LPP: variants seen among roughly 807,000 people sequenced by gnomAD.
The protein encoded by LPP is lipoma-preferred partner.
Under a neutral mutation model 60.4 loss-of-function variants are expected in LPP, and 38 were observed. The observed-to-expected ratio is 0.63, with a 90% CI of 0.49 to 0.83. The LOEUF (loss-of-function observed/expected upper bound fraction) is 0.83. LPP is among the 40% of genes least tolerant of loss of function. The pLI, the probability that LPP is intolerant of heterozygous loss-of-function variation, is 0.00. For synonymous variants in LPP, 328 were observed against 290.8 expected (o/e 1.13, Z -1.30); for missense variants, 902 against 783.6 (o/e 1.15, Z -1.80).
At chr3:188,522,535 T>C (rs1403793411) in intron 5 of LPP, among the ~76,000 whole-genome samples, 1 of 152,048 alleles carries the variant, frequency 6.6e-6, no homozygotes. Flanking sequence ...TACTGAACAC[T>C]TATTTGGGCT....
chr3:188,199,752 C>T (rs1730532443), intron 1 of LPP, among the ~76,000 whole-genome samples: 1 of 151,400 alleles, frequency 6.6e-6, no homozygotes, highest in Admixed American at 6.6e-5. Flanking sequence ...TTCCTGTTGC[C>T]TACCTAGGCT....
rs1363604400 is a variant in LPP at position 188,875,726 on chromosome 3, T to C, written c.*1247T>C. 7 of 201,776 alleles carry C rather than the reference T, an allele frequency of 3.5e-5. No individual in the cohort carries two copies. The highest frequency in any genetic ancestry group is 1.7e-3 in the Middle Eastern group (1 of 600). 12.5% of individuals were successfully genotyped at this position (201,776 alleles called of 1,614,324 possible). A position where few individuals can be genotyped will look rare whatever the true frequency, so the allele number is the denominator to read the frequency against. The stretch of plus-strand genomic sequence containing the variant: ...ATCACTGAAACAAAAATTGTCTTTA[T>C]GAGCTAAAAATATGCAGAATCTCTG... On this transcript the variant is annotated 3_prime_UTR_variant, in exon 12 of 12. Coordinates refer to ENST00000617246, the MANE Select transcript of LPP (RefSeq NM_001375462.1).
rs779836330 is a variant in LPP at position 188,609,370 on chromosome 3, C to T, written c.639C>T (p.Ala213=). 3 of 1,614,132 alleles carry T rather than the reference C, an allele frequency of 1.9e-6. No individual in the cohort carries two copies. The highest frequency in any genetic ancestry group is 1.7e-6 in the Non-Finnish European group (2 of 1,180,030). ...CAGTCCCAGCCTCCTACACCACGGC[C>T]TCCACTTCTTCAAGGCCTACCTTTA... The part of the protein sequence containing the change: ...PQPVPASYTT[A]STSSRPTFNV... The change falls in exon 7 of 12, where the codon GCC becomes GCT. Residue 213 remains alanine (A), a synonymous_variant. Coordinates refer to ENST00000617246, the MANE Select transcript of LPP (RefSeq NM_001375462.1). This position sits in a 1 kb window ranked among gnomAD's most constrained non-coding sequence, Gnocchi z 6.9.
intron 9 of LPP, among the ~76,000 whole-genome samples, 153 bp downstream of exon 9, chr3:188,760,435 T>TGTGTGTGTGCGCGC (rs777127864): frequency 7.5e-4 from 114 of 151,194 alleles, no homozygotes; most frequent in African/African-American, 2.6e-3. Flanking sequence ...TGTGTGTGTG[T>TGTGTGTGTGCGCGC]GCGTGCGCGC....
rs1843586919 is a variant in LPP, at chr3:188,610,962, AT to A, written c.1113+1123del. ...TGGATTGGGTAGAAGTTTGGACTGTATTTTTAAAAATTCTTTCCACATTTTT... is the reference window on the plus strand; with the variant it reads ...TGGATTGGGTAGAAGTTTGGACTGTATTTTAAAAATTCTTTCCACATTTTT... On this transcript the variant is annotated intron_variant, in intron 7 of 11. Coordinates refer to ENST00000617246, the MANE Select transcript of LPP (RefSeq NM_001375462.1). The surrounding 1 kb of genome is among the most constrained non-coding windows in gnomAD (Gnocchi z 4.4). Among the ~76,000 whole-genome samples, 1 of 152,208 alleles carries A rather than the reference AT, an allele frequency of 6.6e-6. No individual in the cohort carries two copies. The highest frequency in any genetic ancestry group is 2.1e-4 in the South Asian group (1 of 4,834).
At chr3:188,295,194 A>G (rs1010072780) in intron 2 of LPP, among the ~76,000 whole-genome samples, 3 of 152,238 alleles carry the variant, frequency 2.0e-5, no homozygotes, top group African/African-American at 4.8e-5. Context: ...ATGAACTCCA[A>G]TTAAACTTTA....
chr3:188,581,618 G>T (rs1460935238), intron 6 of LPP, among the ~76,000 whole-genome samples: 1 of 152,028 alleles, frequency 6.6e-6, no homozygotes, highest in African/African-American at 2.4e-5. Context: ...TAGTCCTGTT[G>T]GGAGGCTCAG....
chr3:188,816,284 C>G (rs766467818), intron 9 of LPP, among the ~76,000 whole-genome samples: 11 of 148,232 alleles, frequency 7.4e-5, no homozygotes, highest in South Asian at 2.1e-4. Context: ...TCACTCCAAG[C>G]TCCACCTCCC....
At chr3:188,835,950 G>A (rs1450018377) in intron 9 of LPP, among the ~76,000 whole-genome samples, 1 of 152,176 alleles carries the variant, frequency 6.6e-6, no homozygotes, top group Non-Finnish European at 1.5e-5. Flanking sequence ...GTACTTCTTT[G>A]TATTTTTGAT....
intron 1 of LPP, among the ~76,000 whole-genome samples, chr3:188,163,986 A>G (rs561716996): frequency 6.6e-6 from 1 of 151,910 alleles, no homozygotes; most frequent in Non-Finnish European, 1.5e-5. Context: ...AATAAACTAC[A>G]TTTATAGAAG....
intron 7 of LPP, among the ~76,000 whole-genome samples, chr3:188,629,581 A>G (rs1361271672): frequency 6.6e-6 from 1 of 152,170 alleles, no homozygotes; most frequent in African/African-American, 2.4e-5. Flanking sequence ...TGAAACAAAT[A>G]TATGGAAAAT....
intron 7 of LPP, among the ~76,000 whole-genome samples, chr3:188,683,206 A>C (rs547265834): frequency 3.3e-5 from 5 of 152,110 alleles, no homozygotes; most frequent in South Asian, 4.2e-4. Context: ...TAGACCAAGC[A>C]TAATGAGGTA....
chr3:188,856,832 T>A (rs1036958923), intron 9 of LPP, among the ~76,000 whole-genome samples: 1 of 152,214 alleles, frequency 6.6e-6, no homozygotes, highest in Non-Finnish European at 1.5e-5. Context: ...TGGATAGGAT[T>A]ATCTGCTCTG....
intron 4 of LPP, among the ~76,000 whole-genome samples, chr3:188,453,058 C>T (rs1045614385): frequency 4.6e-5 from 7 of 152,118 alleles, no homozygotes; most frequent in South Asian, 4.1e-4. Flanking sequence ...CAACCTCTCT[C>T]GGGTTCTTTG....
chr3:188,704,441 C>T (rs1335287632), intron 7 of LPP, among the ~76,000 whole-genome samples: 2 of 152,182 alleles, frequency 1.3e-5, no homozygotes, highest in Non-Finnish European at 2.9e-5. Flanking sequence ...GACAAGCTCA[C>T]CTAAGGATGC....
intron 1 of LPP, among the ~76,000 whole-genome samples, chr3:188,222,218 T>G: frequency 6.6e-6 from 1 of 152,334 alleles, no homozygotes. Context: ...TTATGAATTT[T>G]TTTTCAAATG....
At chr3:188,422,215 T>C (rs1364402753) in intron 4 of LPP, among the ~76,000 whole-genome samples, 1 of 152,176 alleles carries the variant, frequency 6.6e-6, no homozygotes, top group Admixed American at 6.6e-5. Context: ...CAATGTTCCC[T>C]TTTGTTGTAG....
chr3:188,726,235 A>C (rs2149963512), intron 8 of LPP, among the ~76,000 whole-genome samples: 2 of 152,266 alleles, frequency 1.3e-5, no homozygotes, highest in Non-Finnish European at 2.9e-5. Context: ...TAAGGGCTGG[A>C]ACCAAGATAG....
At chr3:188,273,299 T>C (rs62291416) in intron 2 of LPP, among the ~76,000 whole-genome samples, 13,895 of 152,200 alleles carry the variant, frequency 0.091, 1,078 homozygotes, top group African/African-American at 0.21. Context: ...GGCACCACGA[T>C]GGAAAACAGA....
Sources: allele counts gnomAD v4.1 joint callset (sites outside exome capture counted in the v4.1 genomes callset), GRCh38; gene constraint gnomAD v4.1.1; non-coding constraint Gnocchi (gnomAD v3.1); transcripts MANE v1.5; gene names NCBI Gene and HGNC (gene_info 2026-07-23, HGNC 2026-07-21).